ZMIZ1: variants seen among roughly 807,000 people sequenced by gnomAD.
ZMIZ1 encodes zinc finger MIZ-type containing 1.
Under a neutral mutation model 113.9 loss-of-function variants are expected in ZMIZ1, and 17 were observed. The ratio of observed to expected loss-of-function variants is 0.15; its 90% CI spans 0.10 to 0.22. The LOEUF is 0.22. Among genes scored for constraint, ZMIZ1 ranks in the 10% least tolerant of loss-of-function variants. The pLI is 1.00. For synonymous variants in ZMIZ1, 607 were observed against 603.1 expected (o/e 1.01, Z -0.09); for missense variants, 1,059 against 1,477.8 (o/e 0.72, Z 4.65).
rs56903717 is a variant in ZMIZ1 at position 79,240,638 on chromosome 10, C to CTTTTT, written c.280+24387_280+24391dup. Among the ~76,000 whole-genome samples the CTTTTT allele has an allele frequency of 4.8e-3, 264 of 55,320 alleles. 37 individuals are homozygous for CTTTTT. The highest frequency in any genetic ancestry group is 0.019 in the African/African-American group (227 of 11,984). 36.3% of individuals were successfully genotyped at this position (55,320 alleles called of 152,430 possible). On this transcript the variant is annotated intron_variant, in intron 7 of 24. Coordinates refer to ENST00000334512, the MANE Select transcript of ZMIZ1 (RefSeq NM_020338.4). Reference sequence around the variant, plus strand: ...CGTAAATCTAGTGAAGAGTATTTATCTTTTTTTTTTTTTTTTTTTTTTTTT... The same window carrying CTTTTT: ...CGTAAATCTAGTGAAGAGTATTTATCTTTTTTTTTTTTTTTTTTTTTTTTTTTTTT...
intron 5 of ZMIZ1, among the ~76,000 whole-genome samples, chr10:79,204,092 A>C (rs990527693): frequency 2.0e-5 from 3 of 152,044 alleles, no homozygotes; most frequent in African/African-American, 7.3e-5. Flanking sequence ...CTGGCTGGGG[A>C]CTGTTGATTC....
intron 4 of ZMIZ1, among the ~76,000 whole-genome samples, chr10:79,176,680 G>T (rs1846882702): frequency 6.7e-6 from 1 of 150,136 alleles, no homozygotes; most frequent in Non-Finnish European, 1.5e-5. Context: ...GGCTTTTGGA[G>T]GTTGCAGGAT....
chr10:79,298,370 TC>T, intron 14 of ZMIZ1, 35 bp from the exon 15 acceptor site: 1 of 1,593,202 alleles, frequency 6.3e-7, no homozygotes, highest in Non-Finnish European at 8.5e-7. Flanking sequence ...GTCTCCGTAA[TC>T]CCATAACTCG....
At position 79,296,745 on chromosome 10, in the gene ZMIZ1, G is replaced by T. The variant is rs1317115931; in HGVS notation, c.1413+92G>T. ...CACCGGGATCACTCTGACCCTGCGT[G>T]TGTTTGCCCCAAGGACAGCGAGGGG... On this transcript the variant is annotated intron_variant, in intron 13 of 24. Transcript: ENST00000334512. This position sits in a 1 kb window ranked among gnomAD's most constrained non-coding sequence, Gnocchi z 4.1. 6 of 1,317,724 alleles carry T rather than the reference G, an allele frequency of 4.6e-6. No individual in the cohort carries two copies. Among genetic ancestry groups the T allele is most frequent in the Middle Eastern group, 2.8e-4 (1 of 3,594 alleles). The allele number at this position is 1,317,724 out of a possible 1,614,324, so 81.6% of individuals were successfully genotyped here. A position where few individuals can be genotyped will look rare whatever the true frequency, so the allele number is the denominator to read the frequency against.
chr10:79,116,512 G>C (rs1345098737), intron 1 of ZMIZ1, among the ~76,000 whole-genome samples: 1 of 152,148 alleles, frequency 6.6e-6, no homozygotes, highest in East Asian at 1.9e-4. Context: ...TGGTAGGAAG[G>C]GGAAGGGCAT....
chr10:79,239,893 G>A (rs796827684), intron 7 of ZMIZ1, among the ~76,000 whole-genome samples: 226 of 64,872 alleles, frequency 3.5e-3, no homozygotes, highest in African/African-American at 0.012. Flanking sequence ...GTCCCCACCC[G>A]CCCCCACCCC....
intron 4 of ZMIZ1, among the ~76,000 whole-genome samples, chr10:79,165,861 G>C (rs1000707267): frequency 6.7e-6 from 1 of 150,292 alleles, no homozygotes; most frequent in Non-Finnish European, 1.5e-5. Context: ...TGGTCTGCTA[G>C]GGGGGTCCTC....
At chr10:79,284,788 T>C (rs1453794124) in intron 8 of ZMIZ1, among the ~76,000 whole-genome samples, 1 of 152,148 alleles carries the variant, frequency 6.6e-6, no homozygotes, top group Admixed American at 6.5e-5. Context: ...AGGGAACCTC[T>C]CTCCTGCTGG....
intron 23 of ZMIZ1, among the ~76,000 whole-genome samples, chr10:79,308,392 G>A (rs1854881247): frequency 6.6e-6 from 1 of 152,220 alleles, no homozygotes; most frequent in South Asian, 2.1e-4. Flanking sequence ...GAAGTGGTGT[G>A]TCTGAGGTCT....
At chr10:79,110,453 G>A (rs867875902) in intron 1 of ZMIZ1, among the ~76,000 whole-genome samples, 2 of 152,294 alleles carry the variant, frequency 1.3e-5, no homozygotes, top group Non-Finnish European at 1.5e-5. Context: ...ATGTCCATCC[G>A]TCCCACCGAA....
At chr10:79,099,057 C>T (rs1012538593) in intron 1 of ZMIZ1, among the ~76,000 whole-genome samples, 1 of 152,194 alleles carries the variant, frequency 6.6e-6, no homozygotes, top group African/African-American at 2.4e-5. Context: ...GTTCCCAGCT[C>T]ATCTGCTTGA....
intron 7 of ZMIZ1, among the ~76,000 whole-genome samples, chr10:79,263,969 G>A (rs761780021): frequency 5.3e-5 from 8 of 152,164 alleles, no homozygotes; most frequent in African/African-American, 1.7e-4. Flanking sequence ...AAATTATGCA[G>A]GGAAGAAATT....
At chr10:79,098,748 A>C (rs10762845) in intron 1 of ZMIZ1, among the ~76,000 whole-genome samples, 64,913 of 152,054 alleles carry the variant, frequency 0.43, 14,421 homozygotes, top group Non-Finnish European at 0.49. Context: ...TGCGGTTGAG[A>C]AGCGTGGGCC....
At chr10:79,293,298 C>T in intron 11 of ZMIZ1, 83 bp from the exon 12 acceptor site, 1 of 1,491,894 alleles carries the variant, frequency 6.7e-7, no homozygotes, top group Non-Finnish European at 9.0e-7. Flanking sequence ...CTCCCCAACC[C>T]TTCCCTCCCT....
chr10:79,180,839 C>T (rs1847091351), intron 4 of ZMIZ1, among the ~76,000 whole-genome samples: 1 of 152,246 alleles, frequency 6.6e-6, no homozygotes, highest in African/African-American at 2.4e-5. Flanking sequence ...ACTCCAGTCC[C>T]AGCTCAAGCC....
At chr10:79,205,913 A>G (rs1036915260) in intron 5 of ZMIZ1, among the ~76,000 whole-genome samples, 1 of 152,130 alleles carries the variant, frequency 6.6e-6, no homozygotes, top group Non-Finnish European at 1.5e-5. Flanking sequence ...CCTGGGCAAC[A>G]TAGCAAGACG....
chr10:79,169,186 C>T (rs752908527), intron 4 of ZMIZ1, among the ~76,000 whole-genome samples: 3 of 152,238 alleles, frequency 2.0e-5, no homozygotes, highest in Admixed American at 2.0e-4. Flanking sequence ...AGACGGCCCT[C>T]GCCCTTGCCA....
chr10:79,152,948 A>G (rs1259545167), intron 3 of ZMIZ1, among the ~76,000 whole-genome samples: 1 of 152,252 alleles, frequency 6.6e-6, no homozygotes, highest in Non-Finnish European at 1.5e-5. Flanking sequence ...GAGGAAACCC[A>G]CCATGGGGGT....
intron 1 of ZMIZ1, among the ~76,000 whole-genome samples, chr10:79,083,346 G>A (rs957321075): frequency 4.6e-5 from 7 of 152,194 alleles, no homozygotes; most frequent in Admixed American, 3.9e-4. Flanking sequence ...ATGTGCAAAG[G>A]CCCTGTGGCA....
Sources: gnomAD v4.1 joint callset for allele counts (sites outside exome capture counted in the v4.1 genomes callset) on GRCh38, gnomAD v4.1.1 for gene constraint, Gnocchi (gnomAD v3.1) non-coding constraint, MANE v1.5 for transcripts, NCBI Gene and HGNC (gene_info 2026-07-23, HGNC 2026-07-21) for gene names.